The following CAP1 variants were observed in gnomAD, a reference collection of about 807,000 sequenced individuals.
CAP1 encodes cyclase associated actin cytoskeleton regulatory protein 1.
Under a neutral mutation model 58.2 loss-of-function variants are expected in CAP1, and 11 were observed. The observed-to-expected ratio is 0.19, with a 90% CI of 0.12 to 0.31. The LOEUF (loss-of-function observed/expected upper bound fraction) is 0.31, where lower values mean the gene tolerates loss of function less well. CAP1 is among the 10% of genes least tolerant of loss of function. The pLI is 1.00. For missense variants in CAP1, 423 were observed against 587.5 expected (o/e 0.72, Z 2.89); for synonymous variants, 183 against 213.8 (o/e 0.86, Z 1.26).
At position 40,072,107 on chromosome 1, in the gene CAP1, G is replaced by C; in HGVS notation, c.*574G>C. 2.5e-6 allele frequency: 1 copy of C among 400,582 alleles called. No individual in the cohort carries two copies. The highest frequency in any genetic ancestry group is 2.1e-5 in the African/African-American group (1 of 48,686). 24.8% of individuals were successfully genotyped at this position (400,582 alleles called of 1,614,324 possible). A position where few individuals can be genotyped will look rare whatever the true frequency, so the allele number is the denominator to read the frequency against. On this transcript the variant is annotated 3_prime_UTR_variant, in exon 13 of 13. Transcript: ENST00000372805. ...TCCTTTTATTCTCTATTCTATCCTG[G>C]GTCTGCCTCAACCGTGAGATAGGAG...
intron 1 of CAP1, among the ~76,000 whole-genome samples, chr1:40,056,749 A>G (rs1208389224): frequency 2.6e-5 from 4 of 152,048 alleles, no homozygotes; most frequent in Admixed American, 2.0e-4. Context: ...AGGAGTGTAC[A>G]TGACCACCGG....
At chr1:40,051,730 C>T (rs922955737) in intron 1 of CAP1, among the ~76,000 whole-genome samples, 1 of 150,916 alleles carries the variant, frequency 6.6e-6, no homozygotes, top group African/African-American at 2.5e-5. Context: ...CCCCTGCCAC[C>T]GTGCCTGGCT....
chr1:40,050,459 G>A (rs548760399), intron 1 of CAP1, among the ~76,000 whole-genome samples: 40 of 8,772 alleles, frequency 4.6e-3, no homozygotes, highest in Middle Eastern at 0.11. Context: ...AGGAGTTCGA[G>A]ACCAGCCAGG....
chr1:40,046,226 C>A (rs550173171), intron 1 of CAP1, among the ~76,000 whole-genome samples: 1 of 152,088 alleles, frequency 6.6e-6, no homozygotes, highest in African/African-American at 2.4e-5. Context: ...GAGGCCAAGG[C>A]GGGTGGATCA....
intron 1 of CAP1, among the ~76,000 whole-genome samples, chr1:40,053,471 A>T (rs1646472177): frequency 6.6e-6 from 1 of 151,124 alleles, no homozygotes; most frequent in South Asian, 2.1e-4. Flanking sequence ...TTTTTTTGAG[A>T]TGGAGTTTTG....
At position 40,072,394 on chromosome 1, in the gene CAP1, C is replaced by T. The variant is rs1648232940; in HGVS notation, c.*861C>T. The T allele has an allele frequency of 3.8e-6, 1 of 262,798 alleles. No individual in the cohort carries two copies. Among genetic ancestry groups the T allele is most frequent in the East Asian group, 7.0e-5 (1 of 14,354 alleles). The allele number at this position is 262,798 out of a possible 1,614,324, so 16.3% of individuals were successfully genotyped here. On this transcript the variant is annotated 3_prime_UTR_variant, in exon 13 of 13. Transcript: ENST00000372805. ...TCAGCTTATGGCTTCTGTCTAAGCACCTGAACAGAGGACTGAAACCTCCAC... is the reference window on the plus strand; with the variant it reads ...TCAGCTTATGGCTTCTGTCTAAGCATCTGAACAGAGGACTGAAACCTCCAC...
chr1:40,071,194 T>G (rs1272230475), intron 12 of CAP1, among the ~76,000 whole-genome samples: 2 of 152,150 alleles, frequency 1.3e-5, no homozygotes, highest in South Asian at 4.1e-4. Context: ...CAAAAAATAA[T>G]GGGGATGAGC....
rs1557698858 is a variant in CAP1 at position 40,070,152 on chromosome 1, C to T, written c.994-7C>T. ...GTGATGAGAATCCTGGGATCTCTCT[C>T]TAACAGGAAAATCAGGAAAATGTTT... On this transcript the variant is annotated splice_polypyrimidine_tract_variant and splice_region_variant and intron_variant, in intron 9 of 12. Coordinates refer to ENST00000372805, the MANE Select transcript of CAP1 (RefSeq NM_006367.4). The T allele has an allele frequency of 2.5e-6, 4 of 1,613,942 alleles. No homozygotes were observed. Among genetic ancestry groups the T allele is most frequent in the Non-Finnish European group, 3.4e-6 (4 of 1,180,026 alleles).
chr1:40,061,024 T>C (rs1193492194), intron 3 of CAP1, among the ~76,000 whole-genome samples: 1 of 152,380 alleles, frequency 6.6e-6, no homozygotes, highest in East Asian at 1.9e-4. Context: ...TTTGAATTTT[T>C]GTATTTTAAT....
intron 1 of CAP1, among the ~76,000 whole-genome samples, chr1:40,049,178 ATTTTTTTT>A (rs72214452): frequency 1.1e-4 from 9 of 84,886 alleles, no homozygotes; most frequent in South Asian, 5.1e-4. Flanking sequence ...GCCATTTCTA[ATTTTTTTT>A]TTTTTTTTTT....
At chr1:40,046,929 C>T (rs776820636) in intron 1 of CAP1, among the ~76,000 whole-genome samples, 8 of 152,026 alleles carry the variant, frequency 5.3e-5, no homozygotes, top group Admixed American at 1.3e-4. Flanking sequence ...CGCACCACCA[C>T]GCCCAGCTAA....
chr1:40,065,360 G>T (rs1647025450), intron 6 of CAP1, among the ~76,000 whole-genome samples: 1 of 152,186 alleles, frequency 6.6e-6, no homozygotes, highest in Non-Finnish European at 1.5e-5. Context: ...GAGCTGGAAT[G>T]ATTGCAGGCA....
At chr1:40,052,928 A>C (rs1330472986) in intron 1 of CAP1, among the ~76,000 whole-genome samples, 1 of 151,952 alleles carries the variant, frequency 6.6e-6, no homozygotes, top group African/African-American at 2.4e-5. Context: ...GTCTCTAATA[A>C]AAATACAAAA....
intron 6 of CAP1, among the ~76,000 whole-genome samples, chr1:40,065,226 A>C (rs1471755731): frequency 6.6e-6 from 1 of 152,094 alleles, no homozygotes; most frequent in Non-Finnish European, 1.5e-5. Flanking sequence ...CTTAATAGAA[A>C]TTTTTCATGA....
Position 40,069,849 on chromosome 1 carries a change from A to G in CAP1, c.968A>G (p.Glu323Gly), listed in dbSNP as rs1570433238. ...ACAAAGAAGGAGCCAGCTGTACTTG[A>G]ACTGGAGGGCAAGAAGTGGAGAGTG... is the stretch of plus-strand genomic sequence containing the variant. The part of the protein sequence containing the change: ...RATKKEPAVL[E>G]LEGKKWRVEN... Residue 323 changes from glutamate (E) to glycine (G), a missense_variant, in exon 9 of 13, where the codon GAA (glutamate) becomes GGA (glycine). Transcript: ENST00000372805. The G allele has an allele frequency of 1.3e-6, 2 of 1,583,548 alleles. No individual in the cohort carries two copies. Among genetic ancestry groups the G allele is most frequent in the African/African-American group, 2.7e-5 (2 of 73,442 alleles).
intron 1 of CAP1, among the ~76,000 whole-genome samples, chr1:40,047,494 T>C (rs1242101807): frequency 6.6e-6 from 1 of 152,252 alleles, no homozygotes; most frequent in Non-Finnish European, 1.5e-5. Flanking sequence ...TAGTTAATTA[T>C]AGACTTACAG....
At chr1:40,049,747 C>T (rs12084809) in intron 1 of CAP1, among the ~76,000 whole-genome samples, 2,231 of 152,220 alleles carry the variant, frequency 0.015, 56 homozygotes, top group African/African-American at 0.048. Context: ...TCAGCATATC[C>T]AAAACTGACC....
Position 40,069,692 on chromosome 1 carries a change from C to T in CAP1, c.811C>T (p.Leu271=). The T allele has an allele frequency of 6.2e-7, 1 of 1,613,102 alleles. No homozygotes were observed. The highest frequency in any genetic ancestry group is 8.5e-7 in the Non-Finnish European group (1 of 1,179,536). ...INQGESITHA[L]KHVSDDMKTH... ...CAAGGTAGCTGTTGTTCTTACAGCCCTGAAACATGTATCTGATGACATGAA... is the reference window on the plus strand; with the variant it reads ...CAAGGTAGCTGTTGTTCTTACAGCCTTGAAACATGTATCTGATGACATGAA... Residue 271 remains leucine, a splice_region_variant and synonymous_variant, in exon 9 of 13, where the codon CTG becomes TTG. Coordinates refer to ENST00000372805, the MANE Select transcript of CAP1 (RefSeq NM_006367.4).
intron 1 of CAP1, chr1:40,057,445 G>A (rs60671888): frequency 2.0e-5 from 3 of 152,154 alleles, no homozygotes; most frequent in Non-Finnish European, 4.4e-5. Context: ...TTTGAGAGTA[G>A]GACATAGACC....
Sources: gnomAD v4.1 joint callset for allele counts (sites outside exome capture counted in the v4.1 genomes callset) on GRCh38, gnomAD v4.1.1 for gene constraint, MANE v1.5 for transcripts, NCBI Gene and HGNC (gene_info 2026-07-23, HGNC 2026-07-21) for gene names.